Variants in PGAP6 observed in about 807,000 individuals in gnomAD.
The protein encoded by PGAP6 is post-GPI attachment to proteins 6.
In PGAP6, 62 loss-of-function variants were observed where a neutral mutation model predicts 68.4. That is an observed-to-expected ratio of 0.91 (90% CI 0.74 to 1.12). The LOEUF (loss-of-function observed/expected upper bound fraction) is 1.12, where lower values mean the gene tolerates loss of function less well. PGAP6 is among the 50% of genes most tolerant of loss of function. PGAP6 has a pLI of 0.00. For synonymous variants in PGAP6, 575 were observed against 474.0 expected (o/e 1.21, Z -2.77); for missense variants, 1,188 against 1,068.5 (o/e 1.11, Z -1.56).
In PGAP6 at chr16:374,864, C is replaced by T. The variant is rs778537714; in HGVS notation, c.1468G>A (p.Glu490Lys). The T allele has an allele frequency of 6.2e-7, 1 of 1,612,832 alleles. No homozygotes were observed. Among genetic ancestry groups the T allele is most frequent in the Non-Finnish European group, 8.5e-7 (1 of 1,179,958 alleles). Residue 490 changes from glutamate (E) to lysine (K), a missense_variant, in exon 9 of 13, where the codon GAG becomes AAG. Coordinates refer to ENST00000431232, the MANE Select transcript of PGAP6 (RefSeq NM_021259.3). The part of the protein sequence containing the change: ...EDCEQAVVHV[E>K]TTLYLVPCLN... ...CAGGGCACCAGGTACAAGGTGGTCTCCACGTGGACCACAGCCTGCTCACAG... is the reference window on the plus strand; with the variant it reads ...CAGGGCACCAGGTACAAGGTGGTCTTCACGTGGACCACAGCCTGCTCACAG...
In PGAP6 at chr16:381,775, ACCGCGGCCACCG is replaced by A; in HGVS notation, c.35_46del (p.Ala12_Ala15del). 8.5e-7 allele frequency: 1 copy of A among 1,182,236 alleles called. No individual in the cohort carries two copies. The highest frequency in any genetic ancestry group is 4.5e-5 in the Admixed American group (1 of 22,090). The allele number at this position is 1,182,236 out of a possible 1,614,324, so 73.2% of individuals were successfully genotyped here. ...CAGCAGCAGCAGCGGCCCCGCCACCACCGCGGCCACCGCCTCGCCCCCGGTCCCGGTGCCAGC... is the reference window on the plus strand; with the variant it reads ...CAGCAGCAGCAGCGGCCCCGCCACCACCTCGCCCCCGGTCCCGGTGCCAGC... On this transcript the variant is annotated inframe_deletion, in exon 1 of 13. Coordinates refer to ENST00000431232, the MANE Select transcript of PGAP6 (RefSeq NM_021259.3).
chr16:376,662 G>A lies in PGAP6; in HGVS notation c.786C>T (p.Pro262=). Residue 262 remains proline, a synonymous_variant, in exon 5 of 13, where the codon CCC becomes CCT. Coordinates refer to ENST00000431232, the MANE Select transcript of PGAP6 (RefSeq NM_021259.3). ...AGGGCAGCAGCAGGCGGCAGGGCCA[G>A]GGGGCACCGGTGCAGGTGAGCACCT... ...FQKVLTCTGA[P]WPCRLLLPSP... is the part of the protein sequence containing the mutation. 1.2e-6 allele frequency: 2 copies of A among 1,609,556 alleles called. No homozygotes were observed. The highest frequency in any genetic ancestry group is 1.7e-6 in the Non-Finnish European group (2 of 1,178,638).
In PGAP6 at chr16:371,857, A is replaced by C; in HGVS notation, c.*130T>G. On this transcript the variant is annotated 3_prime_UTR_variant, in exon 13 of 13. Coordinates refer to ENST00000431232, the MANE Select transcript of PGAP6 (RefSeq NM_021259.3). ...GGTGGCCCTCTCCTCAGTAGGAGGA[A>C]GTAAGAGGGTATCTAGGCCAATTTA... 3 of 969,522 alleles carry C rather than the reference A, an allele frequency of 3.1e-6. No homozygotes were observed. Among genetic ancestry groups the C allele is most frequent in the Non-Finnish European group, 4.5e-6 (3 of 661,420 alleles). The allele number at this position is 969,522 out of a possible 1,614,324, so 60.1% of individuals were successfully genotyped here.
upstream of PGAP6, among the ~76,000 whole-genome samples, chr16:385,776 C>T (rs1323461157): frequency 1.3e-4 from 19 of 150,670 alleles, no homozygotes; most frequent in East Asian, 1.8e-3. Flanking sequence ...AGGCGCCTGC[C>T]AACACACCCG....
rs765104514 is a variant in PGAP6, at chr16:376,604, C to T, written c.844G>A (p.Ala282Thr). Residue 282 changes from alanine to threonine, a missense_variant, in exon 5 of 13, where the codon GCT becomes ACT. Coordinates refer to ENST00000431232, the MANE Select transcript of PGAP6 (RefSeq NM_021259.3). ...CCGAGGGGCCCCACCAGGCTCTCAG[C>T]TGTCACTTGCAGCCACCGGTCCCAG... The part of the protein sequence containing the change: ...PPWDRWLQVT[A>T]ESLVGPLGTV... 7 of 1,589,982 alleles carry T rather than the reference C, an allele frequency of 4.4e-6. No homozygotes were observed. Among genetic ancestry groups the T allele is most frequent in the Non-Finnish European group, 6.0e-6 (7 of 1,167,782 alleles).
intron 1 of PGAP6, among the ~76,000 whole-genome samples, chr16:379,418 C>T (rs1006914385): frequency 2.6e-5 from 4 of 152,384 alleles, no homozygotes; most frequent in African/African-American, 9.6e-5. Flanking sequence ...GCTCCACCCA[C>T]GACGCACTCC....
chr16:383,150 AAAAAC>A (rs2054459068), upstream of PGAP6: 2 of 152,316 alleles, frequency 1.3e-5, no homozygotes, highest in East Asian at 1.9e-4. Context: ...AACAAAAACA[AAAAAC>A]AAAACACTAA....
In PGAP6 at chr16:377,829, C is replaced by A. The variant is rs754071957; in HGVS notation, c.141G>T (p.Glu47Asp). 6.4e-7 allele frequency: 1 copy of A among 1,561,884 alleles called. No homozygotes were observed. Among genetic ancestry groups the A allele is most frequent in the Admixed American group, 1.9e-5 (1 of 52,304 alleles). ...GCCTCTGCGGGGCCTGCGAGAAGTG[C>A]TCGGACACCAGCCCCACCTCTGTGA... ...SGKSEVGLVSEHFSQAPQRLS... is the reference protein window; with the variant it reads ...SGKSEVGLVSDHFSQAPQRLS... The change falls in exon 2 of 13, where the codon GAG becomes GAT. Residue 47 changes from glutamate (E) to aspartate (D), a missense_variant. Coordinates refer to ENST00000431232, the MANE Select transcript of PGAP6 (RefSeq NM_021259.3).
In PGAP6 at chr16:374,157, G is replaced by T. The variant is rs756888700; in HGVS notation, c.1756-6C>A. On this transcript the variant is annotated splice_region_variant and splice_polypyrimidine_tract_variant and intron_variant, in intron 10 of 12. Transcript: ENST00000431232. Reference sequence around the variant, plus strand: ...TGGTCGCAGGCGTGGTAGAACTGTGGGGAGGCTCCATGAGCGCGGTCCTGC... The same window carrying T: ...TGGTCGCAGGCGTGGTAGAACTGTGTGGAGGCTCCATGAGCGCGGTCCTGC... 3.0e-5 allele frequency: 49 copies of T among 1,610,726 alleles called. 1 individual carries two copies. Among genetic ancestry groups the T allele is most frequent in the Non-Finnish European group, 2.5e-6 (3 of 1,179,920 alleles).
chr16:383,398 C>T (rs2054461384), upstream of PGAP6: 1 of 152,248 alleles, frequency 6.6e-6, no homozygotes, highest in Admixed American at 6.5e-5. Context: ...GACCTTCCCT[C>T]GGGAATTCCA....
rs754458989 is a variant in PGAP6 at position 377,688 on chromosome 16, G to C, written c.282C>G (p.Thr94=). The C allele has an allele frequency of 1.3e-6, 2 of 1,588,604 alleles. No individual in the cohort carries two copies. Among genetic ancestry groups the C allele is most frequent in the African/African-American group, 1.3e-5 (1 of 74,548 alleles). The stretch of plus-strand genomic sequence containing the variant: ...CCACCTACACGGTGATCTCCGCGTC[G>C]GTGCAGGCAGCGCCGCTCTCCCGGG... The part of the protein sequence containing the change: ...QVSRESGAAC[T]DAEITVHFRS... The change falls in exon 2 of 13, where the codon ACC becomes ACG. Residue 94 remains threonine, a synonymous_variant. Coordinates refer to ENST00000431232, the MANE Select transcript of PGAP6 (RefSeq NM_021259.3).
Position 373,859 on chromosome 16 carries a change from G to C in PGAP6, c.1902+146C>G, listed in dbSNP as rs929743046. 5.8e-6 allele frequency: 6 copies of C among 1,042,256 alleles called. No homozygotes were observed. The South Asian group carries it at 6.7e-5, about 12-fold the overall frequency. 64.6% of individuals were successfully genotyped at this position (1,042,256 alleles called of 1,614,324 possible). A position where few individuals can be genotyped will look rare whatever the true frequency, so the allele number is the denominator to read the frequency against. On this transcript the variant is annotated intron_variant, in intron 11 of 12. Transcript: ENST00000431232. ...TGCTCGGCCTAGGGATTACAGGTGT[G>C]AGCCACCATGCTCGGCCGAGATGTG...
rs779705166 is a variant in PGAP6, at chr16:376,133, TA to T, written c.1224+2del. The T allele has an allele frequency of 6.3e-7, 1 of 1,598,482 alleles. No homozygotes were observed. The highest frequency in any genetic ancestry group is 8.5e-7 in the Non-Finnish European group (1 of 1,170,602). ...CCACAGGCCGCTTGCAGACAGCAGG[TA>T]CCTTGTTGGCCCGCAGGGAGATGGT... is the stretch of plus-strand genomic sequence containing the variant. On this transcript the variant is annotated splice_donor_variant, in intron 6 of 12. Coordinates refer to ENST00000431232, the MANE Select transcript of PGAP6 (RefSeq NM_021259.3). LOFTEE classifies it high-confidence loss of function.
Position 372,727 on chromosome 16 carries a change from C to T in PGAP6, c.1903G>A (p.Val635Met), listed in dbSNP as rs1278744715. ...ACCAGTGTACCCAGAAGAAACAGCA[C>T]CTGCGCAAGACACAGGGATGACTGC... The part of the protein sequence containing the change: ...MARLKTVLKY[V>M]LFLLGTLVIA... Residue 635 changes from valine to methionine, a missense_variant and splice_region_variant, in exon 12 of 13, where the codon GTG becomes ATG. Physicochemically the swap from Val to Met is conservative, Grantham distance 21. Coordinates refer to ENST00000431232, the MANE Select transcript of PGAP6 (RefSeq NM_021259.3). 2.5e-6 allele frequency: 4 copies of T among 1,607,072 alleles called. No individual in the cohort carries two copies. Among genetic ancestry groups the T allele is most frequent in the Admixed American group, 3.3e-5 (2 of 59,768 alleles).
In PGAP6 at chr16:377,603, G is replaced by A; in HGVS notation, c.300-18C>T. ...GGAAGTGCCTGGAGACGGGAGAGCAGCACCGGGTTCAGGCACAGGGCTTGG... is the reference window on the plus strand; with the variant it reads ...GGAAGTGCCTGGAGACGGGAGAGCAACACCGGGTTCAGGCACAGGGCTTGG... On this transcript the variant is annotated intron_variant, in intron 2 of 12. Transcript: ENST00000431232. 1.3e-6 allele frequency: 2 copies of A among 1,568,772 alleles called. No individual in the cohort carries two copies. Among genetic ancestry groups the A allele is most frequent in the South Asian group, 1.2e-5 (1 of 85,958 alleles).
At chr16:385,224 G>A (rs1486346697), upstream of PGAP6, among the ~76,000 whole-genome samples, 1 of 151,494 alleles carries the variant, frequency 6.6e-6, no homozygotes, top group Non-Finnish European at 1.5e-5. Flanking sequence ...ACACAAGGAT[G>A]TTTGCAGCAG....
intron 11 of PGAP6, among the ~76,000 whole-genome samples, chr16:373,508 C>T (rs555693832): frequency 8.5e-5 from 13 of 152,358 alleles, no homozygotes; most frequent in East Asian, 1.9e-4. Context: ...CAACTGCCTG[C>T]GGGGTCTCAG....
intron 11 of PGAP6, 23 bp downstream of exon 11, chr16:373,982 A>AC (rs1414066419): frequency 6.3e-7 from 1 of 1,586,146 alleles, no homozygotes; most frequent in East Asian, 2.3e-5. Flanking sequence ...CGGAGCCCAC[A>AC]CCCCACGTCG....
At chr16:386,726 C>CAAAAAAAAAAAAAAAAAAAAAAAAAA (rs10544230), upstream of PGAP6, 2 of 312,018 alleles carry the variant, frequency 6.4e-6, no homozygotes, top group East Asian at 8.5e-5. Flanking sequence ...AAAAAAAAAC[C>CAAAAAAAAAAAAAAAAAAAAAAAAAA]AAAAAAAAAA....
Sources: gnomAD v4.1 joint callset for allele counts (sites outside exome capture counted in the v4.1 genomes callset) on GRCh38, gnomAD v4.1.1 for gene constraint, MANE v1.5 for transcripts, NCBI Gene and HGNC (gene_info 2026-07-23, HGNC 2026-07-21) for gene names.